KRT86: variants seen among roughly 807,000 people sequenced by gnomAD.
KRT86 encodes keratin, type II cuticular Hb6.
KRT86 carries 30 observed loss-of-function variants against 41.2 expected under a neutral mutation model. The observed-to-expected ratio is 0.73, with a 90% CI of 0.54 to 0.99. The LOEUF is 0.99. Ranked by LOEUF, KRT86 falls within the 50% of genes least tolerant of loss-of-function variation. KRT86 has a pLI of 0.00. For synonymous variants in KRT86, 238 were observed against 238.1 expected, an observed-to-expected ratio of 1.00 and a Z score of 0.00; for missense variants, 561 against 571.4, an observed-to-expected ratio of 0.98 and a Z score of 0.19.
At position 52,302,072 on chromosome 12, in the gene KRT86, A is replaced by G. The variant is rs1938396630; in HGVS notation, c.156A>G (p.Gly52=). The part of the protein sequence containing the change: ...TGGFGSHSVC[G]GFRAGSCGRS... ...GCTTCGGCAGCCACAGCGTGTGCGG[A>G]GGCTTTCGGGCCGGCTCCTGCGGAC... Residue 52 remains glycine, a synonymous_variant, in exon 3 of 11, where the codon GGA becomes GGG. Transcript: ENST00000423955. The G allele has an allele frequency of 3.1e-6, 5 of 1,599,588 alleles. No individual in the cohort carries two copies. Among genetic ancestry groups the G allele is most frequent in the East Asian group, 2.3e-5 (1 of 44,284 alleles).
At chr12:52,287,906 A>T (rs1001178166) in intron 2 of KRT86, 75 of 1,612,426 alleles carry the variant, frequency 4.7e-5, no homozygotes, top group Non-Finnish European at 6.2e-5. Context: ...GCATCCCCAG[A>T]AAAGGAAGCC....
intron 2 of KRT86, among the ~76,000 whole-genome samples, chr12:52,278,438 GT>G (rs10684723): frequency 0.26 from 33,616 of 127,846 alleles, 3,960 homozygotes; most frequent in East Asian, 0.4. Context: ...AGAAAGTGTA[GT>G]TTTTTTTTTT....
At position 52,288,004 on chromosome 12, in the gene KRT86, C is replaced by T. The variant is rs140829050; in HGVS notation, c.-5+12058C>T. On this transcript the variant is annotated intron_variant, in intron 2 of 10. Coordinates refer to ENST00000423955, the MANE Select transcript of KRT86 (RefSeq NM_001320198.2). The stretch of plus-strand genomic sequence containing the variant: ...CTCACCTTGCTGCGGTACCAGGACT[C>T]GGCCTCGGCCCGGCTGCGGGTGACA... 9.9e-5 allele frequency: 160 copies of T among 1,614,088 alleles called. No homozygotes were observed. Among genetic ancestry groups the T allele is most frequent in the Non-Finnish European group, 1.2e-4 (138 of 1,180,044 alleles).
chr12:52,293,476 G>A (rs921886385), intron 2 of KRT86, among the ~76,000 whole-genome samples: 1 of 152,282 alleles, frequency 6.6e-6, no homozygotes, highest in African/African-American at 2.4e-5. Flanking sequence ...TTACAGGGGA[G>A]TATCTGTGAA....
At chr12:52,297,447 G>A (rs1326425636) in intron 2 of KRT86, among the ~76,000 whole-genome samples, 2 of 152,128 alleles carry the variant, frequency 1.3e-5, no homozygotes, top group African/African-American at 2.4e-5. Flanking sequence ...AAATCCCCGA[G>A]TCCCCCATCT....
At chr12:52,288,870 C>T (rs1938054756) in intron 2 of KRT86, among the ~76,000 whole-genome samples, 2 of 151,636 alleles carry the variant, frequency 1.3e-5, no homozygotes, top group African/African-American at 2.4e-5. Flanking sequence ...GTCAGACTCC[C>T]CAAAATGCTA....
chr12:52,304,552 T>G (rs547030154), intron 5 of KRT86, among the ~76,000 whole-genome samples: 91 of 151,296 alleles, frequency 6.0e-4, no homozygotes, highest in Middle Eastern at 6.8e-3. Context: ...CAATCCCAGG[T>G]TCTAAGGGGG....
chr12:52,287,675 C>G, intron 2 of KRT86: 1 of 1,613,886 alleles, frequency 6.2e-7, no homozygotes, highest in Non-Finnish European at 8.5e-7. Flanking sequence ...CTTGGTGCGG[C>G]GCAGGGTCTC....
At chr12:52,284,520 C>A (rs994044198) in intron 2 of KRT86, among the ~76,000 whole-genome samples, 2 of 152,184 alleles carry the variant, frequency 1.3e-5, no homozygotes, top group African/African-American at 4.8e-5. Context: ...TGTGATGTCA[C>A]AGCATACAGG....
chr12:52,285,701 T>C (rs748500922), intron 2 of KRT86, among the ~76,000 whole-genome samples: 3 of 152,216 alleles, frequency 2.0e-5, no homozygotes, highest in Non-Finnish European at 2.9e-5. Flanking sequence ...CTTCTTCATC[T>C]GCAAGGTGTA....
Position 52,305,792 on chromosome 12 carries a change from T to C in KRT86, c.1026+4T>C, listed in dbSNP as rs759143985. 6 of 1,613,950 alleles carry C rather than the reference T, an allele frequency of 3.7e-6. No individual in the cohort carries two copies. Among genetic ancestry groups the C allele is most frequent in the Non-Finnish European group, 5.1e-6 (6 of 1,179,862 alleles). ...GGTGGAGAATGCCAAGTGCCAGGTA[T>C]GGGGCATCTGTGCCCAAGGTCAGAG... On this transcript the variant is annotated splice_donor_region_variant and intron_variant, in intron 8 of 10. Transcript: ENST00000423955.
rs547029840 is a variant in KRT86 at position 52,297,547 on chromosome 12, C to T, written c.-4-4366C>T. Among the ~76,000 whole-genome samples, 7 of 152,296 alleles carry T rather than the reference C, an allele frequency of 4.6e-5. No homozygotes were observed. In the East Asian group the frequency reaches 1.2e-3, roughly 25 times the overall value. ...GGAGCAGAATGAACCGAAGGGAGCACTGAACAAGAACTTTCTAATGTTAAA... is the reference window on the plus strand; with the variant it reads ...GGAGCAGAATGAACCGAAGGGAGCATTGAACAAGAACTTTCTAATGTTAAA... On this transcript the variant is annotated intron_variant, in intron 2 of 10. Transcript: ENST00000423955.
intron 9 of KRT86, 137 bp downstream of exon 9, chr12:52,306,417 C>A (rs952211236): frequency 7.3e-7 from 1 of 1,368,982 alleles, no homozygotes; most frequent in South Asian, 1.3e-5. Flanking sequence ...TGTGTAAGTC[C>A]TTTAAGTATG....
Position 52,302,052 on chromosome 12 carries a change from G to A in KRT86, c.136G>A (p.Gly46Ser), listed in dbSNP as rs1284426801. ...SCYRGLTGGF[G>S]SHSVCGGFRA... ...CTACCGCGGCCTCACCGGGGGCTTC[G>A]GCAGCCACAGCGTGTGCGGAGGCTT... is the stretch of plus-strand genomic sequence containing the variant. The change falls in exon 3 of 11, where the codon GGC (glycine) becomes AGC (serine). Residue 46 changes from glycine (G) to serine (S), a missense_variant. Gly to Ser is a moderately conservative substitution (Grantham distance 56). This residue lies in a region of KRT86 where 164 missense variants were observed against 172.5 expected (regional missense o/e 0.95). Transcript: ENST00000423955. 15 of 1,606,754 alleles carry A rather than the reference G, an allele frequency of 9.3e-6. No individual in the cohort carries two copies. The highest frequency in any genetic ancestry group is 8.4e-5 in the Admixed American group (5 of 59,492).
intron 1 of KRT86, 98 bp downstream of exon 1, chr12:52,274,820 G>A (rs974319338): frequency 4.3e-5 from 32 of 747,308 alleles, no homozygotes; most frequent in Non-Finnish European, 5.1e-5. Context: ...AACAGGAGCA[G>A]AAAAGTTGGG....
intron 2 of KRT86, among the ~76,000 whole-genome samples, chr12:52,298,539 A>G (rs1429087881): frequency 6.6e-6 from 1 of 152,232 alleles, no homozygotes; most frequent in Non-Finnish European, 1.5e-5. Context: ...AACTAATATG[A>G]TTACACACTT....
At chr12:52,287,981 C>G (rs765911121) in intron 2 of KRT86, 2 of 1,614,226 alleles carry the variant, frequency 1.2e-6, no homozygotes, top group Non-Finnish European at 1.7e-6. Flanking sequence ...CTGTGCCACT[C>G]ACCTTGCTGC....
chr12:52,288,387 C>G, intron 2 of KRT86: 1 of 1,614,150 alleles, frequency 6.2e-7, no homozygotes, highest in Non-Finnish European at 8.5e-7. Context: ...CTCAGGAAGT[C>G]GATCTCCTGG....
chr12:52,287,859 C>A, intron 2 of KRT86: 1 of 1,601,410 alleles, frequency 6.2e-7, no homozygotes, highest in Non-Finnish European at 8.5e-7. Flanking sequence ...ACCCCAACCT[C>A]AGATTGGCAG....
Sources: allele counts gnomAD v4.1 joint callset (sites outside exome capture counted in the v4.1 genomes callset), GRCh38; gene constraint gnomAD v4.1.1; regional missense constraint gnomAD v4.1.1; transcripts MANE v1.5; gene names NCBI Gene and HGNC (gene_info 2026-07-23, HGNC 2026-07-21).